The following PRRC1 variants were observed in gnomAD, a reference collection of about 807,000 sequenced individuals.
The protein encoded by PRRC1 is proline rich coiled-coil 1.
In PRRC1, 39 loss-of-function variants were observed where a neutral mutation model predicts 40.7. The observed-to-expected ratio is 0.96, with a 90% CI of 0.74 to 1.25. The LOEUF (loss-of-function observed/expected upper bound fraction) is 1.25. PRRC1 is among the 50% of genes most tolerant of loss of function. PRRC1 has a pLI of 0.00. For synonymous variants in PRRC1, 175 were observed against 193.3 expected (o/e 0.91, Z 0.79); for missense variants, 573 against 548.3 (o/e 1.05, Z -0.45).
intron 5 of PRRC1, among the ~76,000 whole-genome samples, chr5:127,532,722 A>G (rs987306465): frequency 6.6e-6 from 1 of 152,240 alleles, no homozygotes. Context: ...TTAAAACCCA[A>G]ATATTTGAAA....
chr5:127,539,012 GTC>G, intron 6 of PRRC1, 26 bp from the exon 7 acceptor site: 1 of 1,531,476 alleles, frequency 6.5e-7, no homozygotes, highest in African/African-American at 1.4e-5. Context: ...ATTTGAAATG[GTC>G]TCTAACCTCT....
In PRRC1 at chr5:127,524,521, T is replaced by C; in HGVS notation, c.104-10T>C. The C allele has an allele frequency of 6.3e-7, 1 of 1,587,368 alleles. No homozygotes were observed. The highest frequency in any genetic ancestry group is 8.6e-7 in the Non-Finnish European group (1 of 1,164,606). ...AATTCTGTGCTTTTATCCTCTCCAC[T>C]TTTTTCTAGCGGCAACCAGTTCTTT... is the stretch of plus-strand genomic sequence containing the variant. On this transcript the variant is annotated splice_polypyrimidine_tract_variant and intron_variant, in intron 2 of 8. Coordinates refer to ENST00000296666, the MANE Select transcript of PRRC1 (RefSeq NM_130809.5).
intron 1 of PRRC1, among the ~76,000 whole-genome samples, chr5:127,519,837 A>G (rs189561459): frequency 2.6e-5 from 4 of 152,302 alleles, no homozygotes; most frequent in Admixed American, 1.3e-4. Flanking sequence ...CAGCATGTCA[A>G]AGACTAAACA....
At chr5:127,541,042 G>A (rs980273489) in intron 7 of PRRC1, among the ~76,000 whole-genome samples, 3 of 152,146 alleles carry the variant, frequency 2.0e-5, no homozygotes, top group African/African-American at 4.8e-5. Flanking sequence ...TTTGAGATAC[G>A]TCCCATCAGT....
intron 8 of PRRC1, chr5:127,548,659 A>C (rs1768290908): frequency 6.6e-6 from 1 of 152,018 alleles, no homozygotes; most frequent in Non-Finnish European, 1.5e-5. Flanking sequence ...TATTTGGGAC[A>C]TGAAGACATT....
At position 127,533,643 on chromosome 5, in the gene PRRC1, A is replaced by G. The variant is rs1275886668; in HGVS notation, c.778A>G (p.Ile260Val). The G allele has an allele frequency of 6.2e-7, 1 of 1,613,996 alleles. No individual in the cohort carries two copies. The highest frequency in any genetic ancestry group is 1.1e-5 in the South Asian group (1 of 91,042). Residue 260 changes from isoleucine to valine, a missense_variant, in exon 6 of 9, where the codon ATT becomes GTT. Coordinates refer to ENST00000296666, the MANE Select transcript of PRRC1 (RefSeq NM_130809.5). Reference protein sequence around the residue: ...PYIKSGGELDIVVTSNKEVKV... With the variant: ...PYIKSGGELDVVVTSNKEVKV... ...TTTAGAATCTGGAGGTGAACTGGAT[A>G]TTGTAGTGACCTCAAATAAAGAAGT...
Position 127,552,056 on chromosome 5 carries a change from C to T in PRRC1, c.*140C>T, listed in dbSNP as rs1768406184. On this transcript the variant is annotated 3_prime_UTR_variant, in exon 9 of 9. Transcript: ENST00000296666. Reference sequence around the variant, plus strand: ...TTCCTGTAGCCTGCAATTTTTCTTTCTCTAGAAAGGCATCATGTCATTCCA... The same window carrying T: ...TTCCTGTAGCCTGCAATTTTTCTTTTTCTAGAAAGGCATCATGTCATTCCA... 1 of 1,446,894 alleles carries T rather than the reference C, an allele frequency of 6.9e-7. No homozygotes were observed. The highest frequency in any genetic ancestry group is 1.4e-5 in the African/African-American group (1 of 69,990). 89.6% of individuals were successfully genotyped at this position (1,446,894 alleles called of 1,614,324 possible).
chr5:127,537,410 A>C (rs1271797416), intron 6 of PRRC1, among the ~76,000 whole-genome samples: 1 of 151,922 alleles, frequency 6.6e-6, no homozygotes, highest in Non-Finnish European at 1.5e-5. Context: ...GGCCACATTT[A>C]ATTAATGTAG....
intron 5 of PRRC1, among the ~76,000 whole-genome samples, chr5:127,532,284 T>G (rs936801798): frequency 6.6e-6 from 1 of 152,058 alleles, no homozygotes; most frequent in Admixed American, 6.5e-5. Context: ...AATTTTTGTA[T>G]TTTTAGTAGA....
At chr5:127,544,859 T>A (rs1352020422) in intron 7 of PRRC1, among the ~76,000 whole-genome samples, 2 of 152,190 alleles carry the variant, frequency 1.3e-5, no homozygotes, top group Non-Finnish European at 2.9e-5. Flanking sequence ...TCACCCTGCT[T>A]CGGCTCGAGC....
At chr5:127,543,889 T>C (rs1189425644) in intron 7 of PRRC1, among the ~76,000 whole-genome samples, 2 of 152,384 alleles carry the variant, frequency 1.3e-5, no homozygotes, top group East Asian at 1.9e-4. Flanking sequence ...AGTCATTCTC[T>C]GTCCAGCTTT....
At chr5:127,521,553 T>TA (rs1440756516) in intron 1 of PRRC1, among the ~76,000 whole-genome samples, 2 of 152,244 alleles carry the variant, frequency 1.3e-5, no homozygotes, top group Non-Finnish European at 2.9e-5. Context: ...CACACCCTTC[T>TA]ATAGAAGTAA....
Position 127,551,946 on chromosome 5 carries a change from T to C in PRRC1, c.*30T>C. On this transcript the variant is annotated 3_prime_UTR_variant, in exon 9 of 9. Coordinates refer to ENST00000296666, the MANE Select transcript of PRRC1 (RefSeq NM_130809.5). ...AGACCTACCTGGGAGACTGAGACTT[T>C]CCCCCACTTTTAGCTTGATGTTAAA... is the stretch of plus-strand genomic sequence containing the variant. The C allele has an allele frequency of 6.2e-7, 1 of 1,612,508 alleles. No individual in the cohort carries two copies. The highest frequency in any genetic ancestry group is 1.1e-5 in the South Asian group (1 of 90,958).
rs148562350 is a variant in PRRC1, at chr5:127,526,738, A to G, written c.614A>G (p.Gln205Arg). The change falls in exon 4 of 9, where the codon CAG becomes CGG. Residue 205 changes from glutamine (Q) to arginine (R), a missense_variant. Coordinates refer to ENST00000296666, the MANE Select transcript of PRRC1 (RefSeq NM_130809.5). The stretch of plus-strand genomic sequence containing the variant: ...GAAGACCCTAGAATTACTAGAGGTC[A>G]GGATGAAGCATCTGCTGGTGGAATC... ...EQEDPRITRG[Q>R]DEASAGGIWG... 3.2e-4 allele frequency: 522 copies of G among 1,610,898 alleles called. 9 individuals are homozygous for G. The East Asian group carries it at 0.012, about 36-fold the overall frequency.
chr5:127,532,153 G>A (rs1212114056), intron 5 of PRRC1, among the ~76,000 whole-genome samples: 1 of 150,556 alleles, frequency 6.6e-6, no homozygotes, highest in African/African-American at 2.4e-5. Flanking sequence ...TCTACCGCCA[G>A]GCTGGAGTGC....
intron 6 of PRRC1, among the ~76,000 whole-genome samples, chr5:127,537,425 C>G (rs1767927635): frequency 6.6e-6 from 1 of 151,784 alleles, no homozygotes; most frequent in South Asian, 2.1e-4. Flanking sequence ...ATGTAGTGGT[C>G]AGAGGAAAAA....
At chr5:127,547,081 C>T (rs1024621679) in intron 7 of PRRC1, among the ~76,000 whole-genome samples, 2 of 151,996 alleles carry the variant, frequency 1.3e-5, no homozygotes, top group African/African-American at 4.8e-5. Flanking sequence ...AAAAAATAGG[C>T]ATTAAACATT....
intron 2 of PRRC1, 44 bp downstream of exon 2, chr5:127,523,626 A>G (rs1426176157): frequency 8.5e-7 from 1 of 1,182,086 alleles, no homozygotes; most frequent in African/African-American, 1.5e-5. Flanking sequence ...GAGAATAGTG[A>G]AGATACTATC....
rs1306536430 is a variant in PRRC1, at chr5:127,524,792, C to A, written c.365C>A (p.Pro122His). 4.3e-6 allele frequency: 7 copies of A among 1,614,066 alleles called. No individual in the cohort carries two copies. The East Asian group carries it at 8.9e-5, about 21-fold the overall frequency. The change falls in exon 3 of 9, where the codon CCT becomes CAT. Residue 122 changes from proline (P) to histidine (H), a missense_variant. Physicochemically the swap from Pro to His is moderately conservative, Grantham distance 77. Transcript: ENST00000296666. ...ACTTCTGCCCCAAACACTCTTTTAC[C>A]TGCACCCCCTTCGGGTCCTCCTATA... ...PSTSAPNTLLPAPPSGPPISG... is the reference protein window; with the variant it reads ...PSTSAPNTLLHAPPSGPPISG...
Sources: gnomAD v4.1 joint callset for allele counts (sites outside exome capture counted in the v4.1 genomes callset) on GRCh38, gnomAD v4.1.1 for gene constraint, MANE v1.5 for transcripts, NCBI Gene and HGNC (gene_info 2026-07-23, HGNC 2026-07-21) for gene names.